The following CUL1 variants were observed in gnomAD, a reference collection of about 807,000 sequenced individuals.
CUL1 encodes cullin-1.
Under a neutral mutation model 118.0 loss-of-function variants are expected in CUL1, and 24 were observed. That is an observed-to-expected ratio of 0.20 (90% confidence interval 0.15 to 0.29). The LOEUF is 0.29. Among genes scored for constraint, CUL1 ranks in the 10% least tolerant of loss-of-function variants. The probability of loss-of-function intolerance (pLI) is 1.00; values close to 1 mark genes in which losing one functional copy is unlikely to be tolerated. For synonymous variants in CUL1, 332 were observed against 340.4 expected, an observed-to-expected ratio of 0.98 and a Z score of 0.27; for missense variants, 361 against 933.8, an observed-to-expected ratio of 0.39 and a Z score of 7.99.
chr7:148,751,983 G>A (rs567681676), intron 2 of CUL1, among the ~76,000 whole-genome samples: 121 of 152,128 alleles, frequency 8.0e-4, no homozygotes, highest in African/African-American at 3.6e-4. Flanking sequence ...GCGTGGTGGC[G>A]CCTGCCTGTA....
chr7:148,734,251 C>CTG (rs144972709), intron 2 of CUL1, among the ~76,000 whole-genome samples: 7,772 of 151,598 alleles, frequency 0.051, 301 homozygotes, highest in Middle Eastern at 0.095. Flanking sequence ...CATGCAGCAA[C>CTG]TGTGTGTGTG....
At chr7:148,708,711 A>C (rs1037682117) in intron 1 of CUL1, among the ~76,000 whole-genome samples, 1 of 152,358 alleles carries the variant, frequency 6.6e-6, no homozygotes, top group Admixed American at 6.5e-5. Context: ...TTTTTAAAAA[A>C]ACTGGCTCTG....
chr7:148,726,632 G>A (rs978664341), intron 1 of CUL1, among the ~76,000 whole-genome samples: 11 of 152,064 alleles, frequency 7.2e-5, no homozygotes, highest in African/African-American at 2.2e-4. Flanking sequence ...CTAGTTTGTG[G>A]TCCTGCTACT....
Position 148,800,588 on chromosome 7 carries a change from C to G in CUL1, c.*6C>G, listed in dbSNP as rs1189920501. The G allele has an allele frequency of 2.5e-6, 4 of 1,602,288 alleles. No homozygotes were observed. The highest frequency in any genetic ancestry group is 3.4e-6 in the Non-Finnish European group (4 of 1,169,630). Reference sequence around the variant, plus strand: ...CCTACAGTTACTTGGCTTAACCCTTCTGGAAGGGTCTGACTGTGTGACCCG... The same window carrying G: ...CCTACAGTTACTTGGCTTAACCCTTGTGGAAGGGTCTGACTGTGTGACCCG... On this transcript the variant is annotated 3_prime_UTR_variant, in exon 22 of 22. Coordinates refer to ENST00000325222, the MANE Select transcript of CUL1 (RefSeq NM_003592.3). The surrounding 1 kb of genome is among the most constrained non-coding windows in gnomAD (Gnocchi z 4.6).
chr7:148,800,131 C>G lies in CUL1; in HGVS notation c.2251-371C>G, dbSNP rs1245187634. On this transcript the variant is annotated intron_variant, in intron 21 of 21. Coordinates refer to ENST00000325222, the MANE Select transcript of CUL1 (RefSeq NM_003592.3). The surrounding 1 kb of genome is among the most constrained non-coding windows in gnomAD (Gnocchi z 4.6). ...TTCGTTCATGGCTGTTCAGGGAGTT[C>G]CCCACAGTCCCCTGTTCCCTGTTCA... 2.0e-5 allele frequency among the ~76,000 whole-genome samples: 3 copies of G among 152,134 alleles called. No homozygotes were observed. Among genetic ancestry groups the G allele is most frequent in the Admixed American group, 2.0e-4 (3 of 15,284 alleles).
intron 12 of CUL1, 54 bp from the exon 13 acceptor site, chr7:148,786,935 A>G (rs1800835390): frequency 5.1e-6 from 8 of 1,582,854 alleles, no homozygotes; most frequent in Non-Finnish European, 6.0e-6. Flanking sequence ...TCAGCTCTGC[A>G]CTGTTGGCTT....
rs777447474 is a variant in CUL1 at position 148,783,863 on chromosome 7, C to T, written c.1164C>T (p.Asp388=). 21 of 1,614,050 alleles carry T rather than the reference C, an allele frequency of 1.3e-5. No individual in the cohort carries two copies. The South Asian group carries it at 1.5e-4, about 12-fold the overall frequency. Residue 388 remains aspartate, a synonymous_variant, in exon 10 of 22, where the codon GAC becomes GAT. Transcript: ENST00000325222. ...TGGTAATGTCTGCATTCAACAATGA[C>T]GCTGGCTTTGTGGCTGCTCTTGATA... ...NALVMSAFNN[D]AGFVAALDKA...
At chr7:148,741,410 T>TTGTTG (rs1279278773) in intron 2 of CUL1, among the ~76,000 whole-genome samples, 2 of 151,904 alleles carry the variant, frequency 1.3e-5, no homozygotes, top group East Asian at 3.9e-4. Context: ...TGGCCAACAC[T>TTGTTG]TGTTGTGTTG....
chr7:148,722,397 G>A (rs1798423680), intron 1 of CUL1, among the ~76,000 whole-genome samples: 1 of 152,096 alleles, frequency 6.6e-6, no homozygotes, highest in Non-Finnish European at 1.5e-5. Context: ...CCATGAATGC[G>A]AAACTCCTCC....
intron 2 of CUL1, among the ~76,000 whole-genome samples, chr7:148,753,056 A>G (rs1202101272): frequency 6.6e-6 from 1 of 152,234 alleles, no homozygotes; most frequent in Non-Finnish European, 1.5e-5. Flanking sequence ...TAGCTTGTAT[A>G]TTTTAAATCT....
At chr7:148,782,276 AT>A (rs1402159191) in intron 9 of CUL1, among the ~76,000 whole-genome samples, 1 of 152,248 alleles carries the variant, frequency 6.6e-6, no homozygotes, top group African/African-American at 2.4e-5. Flanking sequence ...AAGCAAGCTT[AT>A]ATGAAGTAAG....
chr7:148,753,600 C>T (rs1000546740), intron 2 of CUL1, among the ~76,000 whole-genome samples: 1 of 152,208 alleles, frequency 6.6e-6, no homozygotes, highest in African/African-American at 2.4e-5. Flanking sequence ...TCATAATAGA[C>T]AGTGCTTATT....
At position 148,800,649 on chromosome 7, in the gene CUL1, C is replaced by T. The variant is rs1476001043; in HGVS notation, c.*67C>T. 9.0e-6 allele frequency: 12 copies of T among 1,334,346 alleles called. No homozygotes were observed. The highest frequency in any genetic ancestry group is 4.4e-5 in the African/African-American group (3 of 68,698). 82.7% of individuals were successfully genotyped at this position (1,334,346 alleles called of 1,614,324 possible). On this transcript the variant is annotated 3_prime_UTR_variant, in exon 22 of 22. Transcript: ENST00000325222. The surrounding 1 kb of genome is among the most constrained non-coding windows in gnomAD (Gnocchi z 4.6). ...TTCATGTTGGAAAGAATGAAAACAA[C>T]TCAAGTTCATAGCAGCCAGCCTGCC...
In CUL1 at chr7:148,701,779, G is replaced by A. The variant is rs540848988; in HGVS notation, c.-162+2750G>A. ...TTAAAATGAATGTACTTTAAATTGAGGAGTTGTTACTTGCCATTCTTCAAA... is the reference window on the plus strand; with the variant it reads ...TTAAAATGAATGTACTTTAAATTGAAGAGTTGTTACTTGCCATTCTTCAAA... On this transcript the variant is annotated intron_variant, in intron 1 of 21. Transcript: ENST00000325222. Among the ~76,000 whole-genome samples, 75 of 152,294 alleles carry A rather than the reference G, an allele frequency of 4.9e-4. 1 individual carries two copies. The highest frequency in any genetic ancestry group is 1.8e-3 in the African/African-American group (73 of 41,554).
Position 148,729,974 on chromosome 7 carries a change from T to G in CUL1, c.-149T>G. 1.5e-5 allele frequency: 13 copies of G among 879,342 alleles called. No individual in the cohort carries two copies. The highest frequency in any genetic ancestry group is 2.0e-5 in the Non-Finnish European group (12 of 587,250). The allele number at this position is 879,342 out of a possible 1,614,324, so 54.5% of individuals were successfully genotyped here. On this transcript the variant is annotated 5_prime_UTR_variant, in exon 2 of 22. It removes an upstream start codon present in the reference 5' UTR. Transcript: ENST00000325222. ...ATTTCTTCCTCAGGTTTGCCTGCAA[T>G]GAGATTTCATTCTCTACATTTAAAG...
At chr7:148,737,215 C>T (rs144726259) in intron 2 of CUL1, among the ~76,000 whole-genome samples, 91 of 148,366 alleles carry the variant, frequency 6.1e-4, no homozygotes, top group Middle Eastern at 3.5e-3. Flanking sequence ...GTGGGGTAGG[C>T]GGTTAGTATA....
At chr7:148,709,417 A>C (rs1294162616) in intron 1 of CUL1, among the ~76,000 whole-genome samples, 1 of 152,252 alleles carries the variant, frequency 6.6e-6, no homozygotes, top group East Asian at 1.9e-4. Context: ...GTGAGATTCA[A>C]GTCCTCTAAA....
chr7:148,706,845 A>G (rs993015539), intron 1 of CUL1, among the ~76,000 whole-genome samples: 1 of 151,920 alleles, frequency 6.6e-6, no homozygotes, highest in Non-Finnish European at 1.5e-5. Context: ...GTTTTACTGC[A>G]TTTTCAGGAT....
intron 17 of CUL1, among the ~76,000 whole-genome samples, chr7:148,797,418 C>T (rs956433682): frequency 4.1e-5 from 6 of 147,008 alleles, no homozygotes; most frequent in African/African-American, 1.5e-4. Flanking sequence ...AAAAAATGCT[C>T]ATGGCGCAGT....
Sources: gnomAD v4.1 joint callset for allele counts (sites outside exome capture counted in the v4.1 genomes callset) on GRCh38, gnomAD v4.1.1 for gene constraint, Gnocchi (gnomAD v3.1) non-coding constraint, MANE v1.5 for transcripts, NCBI Gene and HGNC (gene_info 2026-07-23, HGNC 2026-07-21) for gene names.